The following MDM1 variants were observed in gnomAD, a reference collection of about 807,000 sequenced individuals.
MDM1 encodes the protein Mdm1 nuclear protein.
Under a neutral mutation model 89.1 loss-of-function variants are expected in MDM1, and 61 were observed. The observed-to-expected ratio is 0.68, with a 90% CI of 0.56 to 0.85. The LOEUF (loss-of-function observed/expected upper bound fraction) is 0.85, where lower values mean the gene tolerates loss of function less well. MDM1 is among the 40% of genes least tolerant of loss of function. The pLI is 0.00. For missense variants in MDM1, 820 were observed against 846.5 expected (o/e 0.97, Z 0.39); for synonymous variants, 290 against 294.1 (o/e 0.99, Z 0.14).
At chr12:68,331,535 CTCA>C (rs1259479882) in intron 1 of MDM1, among the ~76,000 whole-genome samples, 1 of 152,148 alleles carries the variant, frequency 6.6e-6, no homozygotes, top group Non-Finnish European at 1.5e-5. Context: ...AATCTAAATT[CTCA>C]TCATTCTAGA....
At chr12:68,331,717 G>A (rs775892401) in intron 1 of MDM1, among the ~76,000 whole-genome samples, 1 of 152,162 alleles carries the variant, frequency 6.6e-6, no homozygotes, top group Admixed American at 6.5e-5. Flanking sequence ...AAGTTGCAGG[G>A]TGCTAGTCCC....
chr12:68,302,988 GAATTT>G, intron 12 of MDM1, 116 bp from the exon 13 acceptor site: 16 of 332,290 alleles, frequency 4.8e-5, no homozygotes, highest in Non-Finnish European at 6.3e-5. Flanking sequence ...AAATATGAGA[GAATTT>G]ATGCAACATC....
intron 13 of MDM1, among the ~76,000 whole-genome samples, chr12:68,302,141 C>G (rs1872249956): frequency 6.6e-6 from 1 of 152,082 alleles, no homozygotes; most frequent in Non-Finnish European, 1.5e-5. Context: ...AGAGAAGATC[C>G]CAAAAGCTGC....
At chr12:68,296,352 G>C (rs1871383241) in intron 14 of MDM1, among the ~76,000 whole-genome samples, 1 of 152,152 alleles carries the variant, frequency 6.6e-6, no homozygotes, top group South Asian at 2.1e-4. Context: ...ACAAAAATTA[G>C]CCGGGTGTGG....
At chr12:68,302,544 A>G in intron 13 of MDM1, 76 bp downstream of exon 13, 5 of 1,217,056 alleles carry the variant, frequency 4.1e-6, no homozygotes, top group Non-Finnish European at 5.6e-6. Context: ...TTAACATAAA[A>G]TGCATTCTTA....
In MDM1 at chr12:68,317,508, C is replaced by G. The variant is rs141607852; in HGVS notation, c.1006-898G>C. 5.4e-3 allele frequency among the ~76,000 whole-genome samples: 824 copies of G among 152,072 alleles called. 5 individuals are homozygous for G. Among genetic ancestry groups the G allele is most frequent in the Non-Finnish European group, 9.8e-3 (664 of 67,994 alleles). On this transcript the variant is annotated intron_variant, in intron 7 of 14. Coordinates refer to ENST00000682720, the MANE Select transcript of MDM1 (RefSeq NM_001354969.2). Reference sequence around the variant, plus strand: ...TTTGAATGCAAAGATGAAAGTGTTACATCTCTAGGGAATTGGCCAAAGCAA... The same window carrying G: ...TTTGAATGCAAAGATGAAAGTGTTAGATCTCTAGGGAATTGGCCAAAGCAA...
chr12:68,302,569 C>G, intron 13 of MDM1, 51 bp downstream of exon 13: 1 of 1,459,806 alleles, frequency 6.9e-7, no homozygotes, highest in South Asian at 1.3e-5. Flanking sequence ...TTGTACCTAT[C>G]AGCATAACAC....
chr12:68,327,347 C>A lies in MDM1; in HGVS notation c.134-326G>T. 4.6e-6 allele frequency: 7 copies of A among 1,521,496 alleles called. No individual in the cohort carries two copies. The South Asian group carries it at 8.5e-5, about 19-fold the overall frequency. The allele number at this position is 1,521,496 out of a possible 1,614,324, so 94.2% of individuals were successfully genotyped here. A position where few individuals can be genotyped will look rare whatever the true frequency, so the allele number is the denominator to read the frequency against. ...CTGGCAGGCCAGGCAGTACATGCTGCCTCGTTTCTAATTACTTTCCTGTGC... is the reference window on the plus strand; with the variant it reads ...CTGGCAGGCCAGGCAGTACATGCTGACTCGTTTCTAATTACTTTCCTGTGC... On this transcript the variant is annotated intron_variant, in intron 2 of 14. Transcript: ENST00000682720.
chr12:68,300,126 GACAA>G (rs1871944285), intron 13 of MDM1, among the ~76,000 whole-genome samples: 1 of 152,074 alleles, frequency 6.6e-6, no homozygotes, highest in Non-Finnish European at 1.5e-5. Flanking sequence ...GTCTTTTTCA[GACAA>G]ACAAATGCTG....
In MDM1 at chr12:68,310,940, T is replaced by G. The variant is rs534284008; in HGVS notation, c.1749+2503A>C. Among the ~76,000 whole-genome samples the G allele has an allele frequency of 2.0e-5, 3 of 152,236 alleles. No homozygotes were observed. The South Asian group carries it at 6.2e-4, about 32-fold the overall frequency. On this transcript the variant is annotated intron_variant, in intron 12 of 14. Transcript: ENST00000682720. ...ACTGCAACCTCTCCATAACCTAAAT[T>G]TCTGACCACCATTTCCTAACTTTAA...
intron 7 of MDM1, among the ~76,000 whole-genome samples, chr12:68,318,020 G>A (rs1404091711): frequency 6.6e-6 from 1 of 152,138 alleles, no homozygotes; most frequent in Admixed American, 6.5e-5. Context: ...ACTTCTTGAG[G>A]TGAGGGAAAA....
Position 68,314,840 on chromosome 12 carries a change from A to G in MDM1, c.1529+108T>C, listed in dbSNP as rs1251973397. On this transcript the variant is annotated intron_variant, in intron 10 of 14. Coordinates refer to ENST00000682720, the MANE Select transcript of MDM1 (RefSeq NM_001354969.2). ...TTTGTGACATTGAAATAAAATCTGC[A>G]ATTTATTAGTCATAAAATCAAAAGA... is the stretch of plus-strand genomic sequence containing the variant. 3.1e-6 allele frequency: 3 copies of G among 964,442 alleles called. No homozygotes were observed. In the African/African-American group the frequency reaches 4.9e-5, roughly 16 times the overall value. The allele number at this position is 964,442 out of a possible 1,614,324, so 59.7% of individuals were successfully genotyped here. A position where few individuals can be genotyped will look rare whatever the true frequency, so the allele number is the denominator to read the frequency against.
At chr12:68,315,443 A>G (rs1874362653) in intron 9 of MDM1, among the ~76,000 whole-genome samples, 178 bp from the exon 10 acceptor site, 1 of 152,234 alleles carries the variant, frequency 6.6e-6, no homozygotes, top group African/African-American at 2.4e-5. Flanking sequence ...AAAATAAATG[A>G]AAGTCATAAT....
chr12:68,332,092 C>A (rs1047849000), intron 1 of MDM1, 136 bp downstream of exon 1: 6 of 1,260,520 alleles, frequency 4.8e-6, no homozygotes, highest in Non-Finnish European at 6.8e-6. Context: ...TGGGGCCCCT[C>A]GAGCAGGCCC....
At chr12:68,327,892 A>C (rs1479483997) in intron 2 of MDM1, among the ~76,000 whole-genome samples, 1 of 152,162 alleles carries the variant, frequency 6.6e-6, no homozygotes, top group Non-Finnish European at 1.5e-5. Flanking sequence ...AAGATGTTTT[A>C]GGAGGGTAAA....
intron 3 of MDM1, 93 bp from the exon 4 acceptor site, chr12:68,325,668 T>G: frequency 7.3e-7 from 1 of 1,377,268 alleles, no homozygotes; most frequent in Non-Finnish European, 9.5e-7. Context: ...ATGAAATCTA[T>G]CCTCTTAACA....
intron 13 of MDM1, 114 bp downstream of exon 13, chr12:68,302,506 T>A: frequency 4.0e-6 from 4 of 1,001,582 alleles, no homozygotes; most frequent in Non-Finnish European, 5.6e-6. Context: ...ATTAATACAT[T>A]AACCAAAAAT....
At chr12:68,327,422 A>G (rs1247397894) in intron 2 of MDM1, 1 of 1,535,876 alleles carries the variant, frequency 6.5e-7, no homozygotes, top group Admixed American at 2.0e-5. Context: ...GGAACTTTTC[A>G]CAAAGCTTCT....
Position 68,315,270 on chromosome 12 carries a change from G to GT in MDM1, c.1212-6dup. On this transcript the variant is annotated splice_polypyrimidine_tract_variant and splice_region_variant and intron_variant, in intron 9 of 14. Transcript: ENST00000682720. ...GTCTTATGGCTTGTAGGATCTCTGC[G>GT]TAACAAAATCAATTTTATTTTAAAT... The GT allele has an allele frequency of 6.3e-7, 1 of 1,596,808 alleles. No individual in the cohort carries two copies. Among genetic ancestry groups the GT allele is most frequent in the Non-Finnish European group, 8.5e-7 (1 of 1,171,678 alleles).
Sources: gnomAD v4.1 joint callset for allele counts (sites outside exome capture counted in the v4.1 genomes callset) on GRCh38, gnomAD v4.1.1 for gene constraint, MANE v1.5 for transcripts, NCBI Gene and HGNC (gene_info 2026-07-23, HGNC 2026-07-21) for gene names.